The following CYP4V2 variants were observed in gnomAD, a reference collection of about 807,000 sequenced individuals.
CYP4V2 encodes the protein cytochrome P450 family 4 subfamily V member 2.
CYP4V2 carries 55 observed loss-of-function variants against 60.8 expected under a neutral mutation model. The ratio of observed to expected loss-of-function variants is 0.90; its 90% CI spans 0.73 to 1.13. CYP4V2 has a LOEUF of 1.13. Among genes scored for constraint, CYP4V2 ranks in the 50% most tolerant of loss-of-function variants. CYP4V2 has a pLI of 0.00. For synonymous variants in CYP4V2, 239 were observed against 236.8 expected (o/e 1.01, Z -0.08); for missense variants, 675 against 662.9 (o/e 1.02, Z -0.20).
intron 3 of CYP4V2, 200 bp downstream of exon 3, chr4:186,196,288 A>G (rs554982762): frequency 1.1e-4 from 70 of 621,528 alleles, no homozygotes; most frequent in South Asian, 4.1e-4. Context: ...GTGAACAGTT[A>G]TCTTCAGCTG....
At chr4:186,196,658 G>A in intron 3 of CYP4V2, 1 of 386,560 alleles carries the variant, frequency 2.6e-6, no homozygotes, top group East Asian at 5.3e-5. Context: ...CTTAGAAATT[G>A]AGAAAAATTC....
chr4:186,210,707 CA>C lies in CYP4V2; in HGVS notation c.*68del. 2 of 1,594,668 alleles carry C rather than the reference CA, an allele frequency of 1.3e-6. No individual in the cohort carries two copies. Among genetic ancestry groups the C allele is most frequent in the Non-Finnish European group, 1.7e-6 (2 of 1,166,804 alleles). On this transcript the variant is annotated 3_prime_UTR_variant, in exon 11 of 11. Coordinates refer to ENST00000378802, the MANE Select transcript of CYP4V2 (RefSeq NM_207352.4). ...TATTTTAAGAGATCCTTGTCATTTA[CA>C]ATTTACAGATCATGAGTTCAATATG...
In CYP4V2 at chr4:186,196,943, T is replaced by C; in HGVS notation, c.417T>C (p.Thr139=). 1 of 1,612,876 alleles carries C rather than the reference T, an allele frequency of 6.2e-7. No individual in the cohort carries two copies. Among genetic ancestry groups the C allele is most frequent in the East Asian group, 2.2e-5 (1 of 44,864 alleles). The change falls in exon 4 of 11, where the codon ACT becomes ACC. Residue 139 remains threonine, a synonymous_variant. Transcript: ENST00000378802. The part of the protein sequence containing the change: ...PWLGLGLLTS[T]GNKWRSRRKM... ...TAACCACATATTTTATTTCTAGTAC[T>C]GGAAACAAATGGCGCTCCAGGAGAA...
intron 7 of CYP4V2, chr4:186,203,244 C>G (rs928698197): frequency 6.6e-6 from 1 of 152,314 alleles, no homozygotes; most frequent in Non-Finnish European, 1.5e-5. Context: ...CTCAATCTCA[C>G]GTAAACAATC....
chr4:186,192,322 C>A, intron 1 of CYP4V2: 1 of 653,306 alleles, frequency 1.5e-6, no homozygotes, highest in Non-Finnish European at 2.8e-6. Context: ...GCTCTCAAAG[C>A]CCTGCCGTTT....
intron 1 of CYP4V2, 75 bp from the exon 2 acceptor site, chr4:186,194,424 GA>G (rs1202391740): frequency 4.6e-6 from 6 of 1,302,164 alleles, no homozygotes; most frequent in Non-Finnish European, 6.7e-6. Context: ...ATCAAAATGA[GA>G]AAACAAACCT....
intron 10 of CYP4V2, 126 bp from the exon 11 acceptor site, chr4:186,210,343 C>T: frequency 8.5e-7 from 1 of 1,180,120 alleles, no homozygotes; most frequent in Non-Finnish European, 1.2e-6. Context: ...TGTTCCAAGC[C>T]ATTCTGGTTC....
At position 186,192,031 on chromosome 4, in the gene CYP4V2, G is replaced by A; in HGVS notation, c.208G>A (p.Gly70Arg). 6.3e-7 allele frequency: 1 copy of A among 1,576,064 alleles called. No homozygotes were observed. Among genetic ancestry groups the A allele is most frequent in the South Asian group, 1.1e-5 (1 of 87,196 alleles). ...CCACGCGCTGCTGATGAAGCCGGACGGGCGAGGTAAGGGCCGGCGCTCCTC... is the reference window on the plus strand; with the variant it reads ...CCACGCGCTGCTGATGAAGCCGGACAGGCGAGGTAAGGGCCGGCGCTCCTC... ...VGHALLMKPDGREFFQQIIEY... is the reference protein window; with the variant it reads ...VGHALLMKPDRREFFQQIIEY... Residue 70 changes from glycine (G) to arginine (R), a missense_variant, in exon 1 of 11, where the codon GGG (glycine) becomes AGG (arginine). Physicochemically the swap from Gly to Arg is moderately radical, Grantham distance 125. Transcript: ENST00000378802.
At chr4:186,210,023 A>G (rs2126602796) in intron 10 of CYP4V2, among the ~76,000 whole-genome samples, 1 of 152,382 alleles carries the variant, frequency 6.6e-6, no homozygotes, top group East Asian at 1.9e-4. Context: ...CTTAAGCAAA[A>G]TGAATGCACA....
chr4:186,210,211 A>T (rs947877537), intron 10 of CYP4V2, among the ~76,000 whole-genome samples: 11 of 152,194 alleles, frequency 7.2e-5, no homozygotes, highest in African/African-American at 2.7e-4. Context: ...GTGAGTCTCA[A>T]GCTTGAAGGA....
Position 186,213,227 on chromosome 4 carries a change from A to G in CYP4V2, c.*2586A>G, listed in dbSNP as rs1268419953. 6.6e-6 allele frequency: 1 copy of G among 152,248 alleles called. No individual in the cohort carries two copies. The highest frequency in any genetic ancestry group is 1.5e-5 in the Non-Finnish European group (1 of 68,048). 9.4% of individuals were successfully genotyped at this position (152,248 alleles called of 1,614,324 possible). On this transcript the variant is annotated 3_prime_UTR_variant, in exon 11 of 11. Transcript: ENST00000378802. Reference sequence around the variant, plus strand: ...ATTGAGAAATTATTTCATATGCTACAGTATTGAAATGTGGATGCTGCCTTG... The same window carrying G: ...ATTGAGAAATTATTTCATATGCTACGGTATTGAAATGTGGATGCTGCCTTG...
intron 1 of CYP4V2, 188 bp downstream of exon 1, chr4:186,192,225 C>T: frequency 1.3e-6 from 1 of 760,052 alleles, no homozygotes. Context: ...TGCCCCATCC[C>T]AAAGTGAGCA....
At chr4:186,206,191 C>T (rs7674943) in intron 8 of CYP4V2, among the ~76,000 whole-genome samples, 10,665 of 152,148 alleles carry the variant, frequency 0.07, 1,247 homozygotes, top group African/African-American at 0.24. Flanking sequence ...TGAGTGTGTG[C>T]ACGCACGTGC....
rs72646267 is a variant in CYP4V2 at position 186,198,586 on chromosome 4, A to G, written c.675-371A>G. Among the ~76,000 whole-genome samples the G allele has an allele frequency of 2.0e-5, 3 of 152,300 alleles. 1 individual carries two copies. In the East Asian group the frequency reaches 5.8e-4, roughly 29 times the overall value. ...GCAGCCAGTTGTCTTCTGTCACTCC[A>G]GAGGAGTGGTCAGACCAATGATGGA... On this transcript the variant is annotated intron_variant, in intron 5 of 10. Transcript: ENST00000378802.
At chr4:186,205,380 T>TTTACAACACAGTGA in intron 8 of CYP4V2, 78 bp downstream of exon 8, 1 of 1,383,736 alleles carries the variant, frequency 7.2e-7, no homozygotes, top group African/African-American at 1.5e-5. Context: ...AAACACAGTG[T>TTTACAACACAGTGA]AATGAGCAGG....
At chr4:186,207,337 A>G (rs6552964) in intron 8 of CYP4V2, among the ~76,000 whole-genome samples, 63,539 of 148,004 alleles carry the variant, frequency 0.43, 13,963 homozygotes, top group South Asian at 0.56. Context: ...TGAACCCCTC[A>G]GGGGGCGGAG....
rs1056907227 is a variant in CYP4V2 at position 186,193,650 on chromosome 4, G to C, written c.215-850G>C. ...TTTCTAGATCACTGTCTAGAAGTCA[G>C]TTAGAGTAAGTTCTTTAGTTGTCAA... On this transcript the variant is annotated intron_variant, in intron 1 of 10. Transcript: ENST00000378802. Among the ~76,000 whole-genome samples, 15 of 152,288 alleles carry C rather than the reference G, an allele frequency of 9.8e-5. No individual in the cohort carries two copies. The South Asian group carries it at 2.1e-3, about 21-fold the overall frequency.
chr4:186,192,031 G>C lies in CYP4V2; in HGVS notation c.208G>C (p.Gly70Arg), dbSNP rs780104160. Residue 70 changes from glycine (G) to arginine (R), a missense_variant, in exon 1 of 11, where the codon GGG (glycine) becomes CGG (arginine). Physicochemically the swap from Gly to Arg is moderately radical, Grantham distance 125. Transcript: ENST00000378802. Reference protein sequence around the residue: ...VGHALLMKPDGREFFQQIIEY... With the variant: ...VGHALLMKPDRREFFQQIIEY... ...CCACGCGCTGCTGATGAAGCCGGAC[G>C]GGCGAGGTAAGGGCCGGCGCTCCTC... The C allele has an allele frequency of 8.9e-6, 14 of 1,575,946 alleles. No individual in the cohort carries two copies. The South Asian group carries it at 1.6e-4, about 18-fold the overall frequency.
At chr4:186,200,069 T>C (rs948421894) in intron 6 of CYP4V2, among the ~76,000 whole-genome samples, 4 of 130,934 alleles carry the variant, frequency 3.1e-5, no homozygotes, top group Non-Finnish European at 6.9e-5. Context: ...TTCATAATTA[T>C]ATTTTTCCTT....
Sources: gnomAD v4.1 joint callset for allele counts (sites outside exome capture counted in the v4.1 genomes callset) on GRCh38, gnomAD v4.1.1 for gene constraint, MANE v1.5 for transcripts, NCBI Gene and HGNC (gene_info 2026-07-23, HGNC 2026-07-21) for gene names.